VPS26C: variants seen among roughly 807,000 people sequenced by gnomAD.
The protein encoded by VPS26C is VPS26 endosomal protein sorting factor C, also known as vacuolar protein sorting-associated protein 26C.
A neutral mutation model predicts 30.6 loss-of-function variants in VPS26C; 19 were observed. That is an observed-to-expected ratio of 0.62 (90% CI 0.43 to 0.91). VPS26C has a LOEUF of 0.91. VPS26C is among the 40% of genes least tolerant of loss of function. The pLI is 0.00. For missense variants in VPS26C, 318 were observed against 385.1 expected (o/e 0.83, Z 1.46); for synonymous variants, 132 against 151.5 (o/e 0.87, Z 0.95).
At chr21:37,232,082 A>T in intron 5 of VPS26C, 1 of 398,402 alleles carries the variant, frequency 2.5e-6, no homozygotes, top group Non-Finnish European at 4.5e-6. Flanking sequence ...TGGCCGTGTC[A>T]TGGGCAGCAG....
At chr21:37,250,899 CAA>C (rs11450988) in intron 1 of VPS26C, among the ~76,000 whole-genome samples, 15 of 78,146 alleles carry the variant, frequency 1.9e-4, no homozygotes, top group Admixed American at 1.1e-3. Flanking sequence ...GACTCCATTT[CAA>C]AAAAAAAAAA....
intron 1 of VPS26C, among the ~76,000 whole-genome samples, chr21:37,256,268 T>C (rs1004277507): frequency 6.6e-6 from 1 of 152,218 alleles, no homozygotes; most frequent in Non-Finnish European, 1.5e-5. Flanking sequence ...AACTAATACT[T>C]TACAAGAGAA....
At chr21:37,259,846 C>T (rs1281718810) in intron 1 of VPS26C, among the ~76,000 whole-genome samples, 2 of 152,102 alleles carry the variant, frequency 1.3e-5, no homozygotes, top group African/African-American at 4.8e-5. Context: ...GGTGTACTAA[C>T]GTAACTAGCA....
rs539813596 is a variant in VPS26C at position 37,233,257 on chromosome 21, G to A, written c.432+105C>T. 115 of 989,172 alleles carry A rather than the reference G, an allele frequency of 1.2e-4. 4 individuals are homozygous for A. The South Asian group carries it at 1.5e-3, about 12-fold the overall frequency. 61.3% of individuals were successfully genotyped at this position (989,172 alleles called of 1,614,324 possible). A position where few individuals can be genotyped will look rare whatever the true frequency, so the allele number is the denominator to read the frequency against. ...AGTCTTGTGTCTTCTGCCAGCACCCGTGAAACAGTAAGAGGCTAAATGGTG... is the reference window on the plus strand; with the variant it reads ...AGTCTTGTGTCTTCTGCCAGCACCCATGAAACAGTAAGAGGCTAAATGGTG... On this transcript the variant is annotated intron_variant, in intron 4 of 7. Coordinates refer to ENST00000309117, the MANE Select transcript of VPS26C (RefSeq NM_006052.2). The surrounding 1 kb of genome is among the most constrained non-coding windows in gnomAD (Gnocchi z 5.2).
chr21:37,258,748 G>A (rs951682641), intron 1 of VPS26C, among the ~76,000 whole-genome samples: 10 of 152,234 alleles, frequency 6.6e-5, no homozygotes, highest in South Asian at 2.1e-4. Flanking sequence ...GCAGCTTGCA[G>A]GGGGTGAAGT....
Position 37,225,323 on chromosome 21 carries a change from C to A in VPS26C, c.*221G>T. On this transcript the variant is annotated 3_prime_UTR_variant, in exon 8 of 8. Coordinates refer to ENST00000309117, the MANE Select transcript of VPS26C (RefSeq NM_006052.2). ...GTCTTGGCAAATAGCATTAAGAAAT[C>A]TTGTTGAATTTCAAAGAAAAGGTCT... The A allele has an allele frequency of 1.8e-6, 1 of 559,828 alleles. No homozygotes were observed. The allele number at this position is 559,828 out of a possible 1,614,324, so 34.7% of individuals were successfully genotyped here.
rs745963841 is a variant in VPS26C at position 37,257,928 on chromosome 21, T to TGCAGCGCCCACCAGCCG, written c.57+9293_57+9309dup. ...CGAGGCAGGGGACAGTGAAGCACCA[T>TGCAGCGCCCACCAGCCG]GCAGCGCCCACCAGCCGGCAGCGCC... On this transcript the variant is annotated intron_variant, in intron 1 of 7. Transcript: ENST00000309117. This position sits in a 1 kb window ranked among gnomAD's most constrained non-coding sequence, Gnocchi z 4.2. 2.0e-5 allele frequency among the ~76,000 whole-genome samples: 3 copies of TGCAGCGCCCACCAGCCG among 147,016 alleles called. No individual in the cohort carries two copies. The highest frequency in any genetic ancestry group is 2.9e-5 in the Non-Finnish European group (2 of 67,998).
At chr21:37,266,938 C>T (rs2086369209) in intron 1 of VPS26C, 2 of 458,892 alleles carry the variant, frequency 4.4e-6, no homozygotes, top group South Asian at 4.7e-5. Context: ...CCAACACCGC[C>T]GGGTGTTCAA....
intron 5 of VPS26C, chr21:37,229,233 T>C (rs1346541522): frequency 1.5e-5 from 2 of 129,760 alleles, no homozygotes; most frequent in African/African-American, 3.1e-5. Flanking sequence ...CTGGGCCACG[T>C]TGGAAGAAGA....
At chr21:37,227,499 A>C (rs2085912827) in intron 7 of VPS26C, 155 bp downstream of exon 7, 1 of 834,676 alleles carries the variant, frequency 1.2e-6, no homozygotes, top group African/African-American at 1.7e-5. Context: ...GAGCAGCCGA[A>C]GGGCAGCAGG....
At chr21:37,267,564 C>T (rs1177649335), upstream of VPS26C, 2 of 544,294 alleles carry the variant, frequency 3.7e-6, no homozygotes, top group South Asian at 4.3e-5. Context: ...CGGGGCCAAG[C>T]TAGCCCCACC....
Position 37,223,455 on chromosome 21 carries a change from T to A in VPS26C, c.*2089A>T, listed in dbSNP as rs976973151. Reference sequence around the variant, plus strand: ...CATAAAATCAGTTTATTAAATTACATAGCAATATACATCCCAAACCTTTTC... The same window carrying A: ...CATAAAATCAGTTTATTAAATTACAAAGCAATATACATCCCAAACCTTTTC... On this transcript the variant is annotated 3_prime_UTR_variant, in exon 8 of 8. Transcript: ENST00000309117. The A allele has an allele frequency of 1.3e-5, 2 of 152,276 alleles. No homozygotes were observed. Among genetic ancestry groups the A allele is most frequent in the African/African-American group, 2.4e-5 (1 of 41,472 alleles). 9.4% of individuals were successfully genotyped at this position (152,276 alleles called of 1,614,324 possible).
intron 1 of VPS26C, among the ~76,000 whole-genome samples, chr21:37,265,324 T>G (rs150565624): frequency 1.8e-3 from 273 of 152,356 alleles, no homozygotes; most frequent in African/African-American, 5.9e-3. Flanking sequence ...GAATACAAAG[T>G]AGACCCATGT....
At chr21:37,251,681 A>T (rs1167418326) in intron 1 of VPS26C, among the ~76,000 whole-genome samples, 3 of 152,184 alleles carry the variant, frequency 2.0e-5, no homozygotes, top group South Asian at 2.1e-4. Context: ...ATGAATGTTG[A>T]ACCCTGTGAA....
chr21:37,254,221 A>G (rs2086220204), intron 1 of VPS26C, among the ~76,000 whole-genome samples: 1 of 152,232 alleles, frequency 6.6e-6, no homozygotes, highest in Non-Finnish European at 1.5e-5. Flanking sequence ...ATCATGTATG[A>G]ATCACGATAG....
rs1025104166 is a variant in VPS26C, at chr21:37,226,037, C to T, written c.812-411G>A. On this transcript the variant is annotated intron_variant, in intron 7 of 7. Transcript: ENST00000309117. The surrounding 1 kb of genome is among the most constrained non-coding windows in gnomAD (Gnocchi z 4.1). Reference sequence around the variant, plus strand: ...GTGAACCAGCGCATAGCTGTCTGGGCCCATGTCCCCAATCCCCAGGTGAGA... The same window carrying T: ...GTGAACCAGCGCATAGCTGTCTGGGTCCATGTCCCCAATCCCCAGGTGAGA... 5.4e-6 allele frequency: 1 copy of T among 186,608 alleles called. No individual in the cohort carries two copies. Among genetic ancestry groups the T allele is most frequent in the African/African-American group, 2.3e-5 (1 of 43,630 alleles). The allele number at this position is 186,608 out of a possible 1,614,324, so 11.6% of individuals were successfully genotyped here. A position where few individuals can be genotyped will look rare whatever the true frequency, so the allele number is the denominator to read the frequency against.
At chr21:37,266,946 C>T in intron 1 of VPS26C, 1 of 424,430 alleles carries the variant, frequency 2.4e-6, no homozygotes, top group East Asian at 4.5e-5. Flanking sequence ...GCCGGGTGTT[C>T]AAGGGGCCAG....
intron 3 of VPS26C, among the ~76,000 whole-genome samples, chr21:37,236,772 AT>A (rs2086029094): frequency 6.6e-6 from 1 of 152,186 alleles, no homozygotes; most frequent in African/African-American, 2.4e-5. Flanking sequence ...TGAATTCCAA[AT>A]TGTAGTACTC....
At chr21:37,245,688 C>T (rs1022250477) in intron 1 of VPS26C, among the ~76,000 whole-genome samples, 4 of 152,174 alleles carry the variant, frequency 2.6e-5, no homozygotes, top group African/African-American at 9.7e-5. Context: ...ATTCAATGAA[C>T]ATTTACTAAA....
Sources: gnomAD v4.1 joint callset for allele counts (sites outside exome capture counted in the v4.1 genomes callset) on GRCh38, gnomAD v4.1.1 for gene constraint, Gnocchi (gnomAD v3.1) non-coding constraint, MANE v1.5 for transcripts, NCBI Gene and HGNC (gene_info 2026-07-23, HGNC 2026-07-21) for gene names.